DOCK8: variants seen among roughly 807,000 people sequenced by gnomAD.
DOCK8 encodes the protein dedicator of cytokinesis protein 8.
Under a neutral mutation model 245.6 loss-of-function variants are expected in DOCK8, and 141 were observed. The observed-to-expected ratio is 0.57, with a 90% CI of 0.50 to 0.66. DOCK8 has a LOEUF of 0.66. Ranked by LOEUF, DOCK8 falls within the 30% of genes least tolerant of loss-of-function variation. The pLI is 0.00. For synonymous variants in DOCK8, 1,168 were observed against 970.2 expected (o/e 1.20, Z -3.79); for missense variants, 2,965 against 2,603.4 (o/e 1.14, Z -3.02).
upstream of DOCK8, chr9:212,721 T>C (rs1050602239): frequency 6.6e-6 from 1 of 152,218 alleles, no homozygotes; most frequent in African/African-American, 2.4e-5. Context: ...AGGTACCAAA[T>C]ACTAAATCTA....
At chr9:370,047 C>G in intron 15 of DOCK8, 183 bp from the exon 16 acceptor site, 1 of 639,382 alleles carries the variant, frequency 1.6e-6, no homozygotes, top group Non-Finnish European at 2.9e-6. Context: ...AAGCCATTCT[C>G]CCACGCCGAC....
chr9:447,517 C>G (rs529166880), intron 44 of DOCK8, among the ~76,000 whole-genome samples: 1 of 152,076 alleles, frequency 6.6e-6, no homozygotes, highest in African/African-American at 2.4e-5. Context: ...TTTTTCTCCC[C>G]GAGACTTTGA....
At chr9:368,251 C>A in intron 15 of DOCK8, 116 bp downstream of exon 15, 2 of 893,734 alleles carry the variant, frequency 2.2e-6, no homozygotes, top group Non-Finnish European at 3.8e-6. Flanking sequence ...GCCAATACTG[C>A]TCAGCATGTG....
chr9:405,780 A>G (rs763937032), intron 27 of DOCK8, among the ~76,000 whole-genome samples: 1 of 152,256 alleles, frequency 6.6e-6, no homozygotes, highest in East Asian at 1.9e-4. Context: ...AATTGAAAAA[A>G]AAATCTTAGC....
intron 5 of DOCK8, among the ~76,000 whole-genome samples, chr9:305,136 C>A (rs1007115852): frequency 2.6e-5 from 4 of 152,090 alleles, no homozygotes; most frequent in African/African-American, 9.7e-5. Context: ...TCAGTTTCCT[C>A]CCCTGGGAAA....
chr9:403,858 A>ATCTCTC (rs749646963), intron 26 of DOCK8, among the ~76,000 whole-genome samples: 118 of 83,918 alleles, frequency 1.4e-3, no homozygotes, highest in Non-Finnish European at 1.6e-3. Context: ...AAGACTCTGT[A>ATCTCTC]TCTCTCTCTC....
chr9:216,861 C>A lies in DOCK8; in HGVS notation c.53+1832C>A, dbSNP rs150145504. Among the ~76,000 whole-genome samples the A allele has an allele frequency of 1.7e-4, 26 of 152,170 alleles. No individual in the cohort carries two copies. The East Asian group carries it at 5.0e-3, about 29-fold the overall frequency. On this transcript the variant is annotated intron_variant, in intron 1 of 47. Coordinates refer to ENST00000432829, the MANE Select transcript of DOCK8 (RefSeq NM_203447.4). Reference sequence around the variant, plus strand: ...GCAGTCTTGCAAGCAACTGCGGGGTCGGTGTCACCTGGGGGTTAAGAATAA... The same window carrying A: ...GCAGTCTTGCAAGCAACTGCGGGGTAGGTGTCACCTGGGGGTTAAGAATAA...
intron 23 of DOCK8, among the ~76,000 whole-genome samples, chr9:389,740 G>A (rs561612380): frequency 6.6e-6 from 1 of 152,282 alleles, no homozygotes; most frequent in South Asian, 2.1e-4. Flanking sequence ...CAGAGGCCGG[G>A]CGTAGTGGCT....
At chr9:384,441 C>G (rs765227809) in intron 22 of DOCK8, among the ~76,000 whole-genome samples, 5 of 152,298 alleles carry the variant, frequency 3.3e-5, no homozygotes, top group Non-Finnish European at 5.9e-5. Flanking sequence ...ATTCCAGCCA[C>G]TTGACACTGT....
chr9:363,559 G>A (rs928008031), intron 14 of DOCK8, among the ~76,000 whole-genome samples: 9 of 152,300 alleles, frequency 5.9e-5, no homozygotes, highest in Non-Finnish European at 1.3e-4. Flanking sequence ...ATATTACTTA[G>A]CACTCTTACT....
intron 2 of DOCK8, among the ~76,000 whole-genome samples, chr9:284,039 T>C (rs2048706977): frequency 6.6e-6 from 1 of 152,198 alleles, no homozygotes; most frequent in Non-Finnish European, 1.5e-5. Flanking sequence ...TAATTATTAC[T>C]TAAATGGGTA....
intron 41 of DOCK8, 124 bp downstream of exon 41, chr9:441,541 CCTGTCAA>C: frequency 6.9e-7 from 1 of 1,445,914 alleles, no homozygotes; most frequent in Non-Finnish European, 9.5e-7. Context: ...TTTGCTCTCA[CCTGTCAA>C]ACAGAAAAGG....
At chr9:363,821 T>C (rs1415394075) in intron 14 of DOCK8, among the ~76,000 whole-genome samples, 1 of 152,100 alleles carries the variant, frequency 6.6e-6, no homozygotes, top group African/African-American at 2.4e-5. Context: ...ACATGCAAAA[T>C]TGCTGAGCAG....
chr9:383,921 C>T (rs1432571750), intron 22 of DOCK8, among the ~76,000 whole-genome samples: 1 of 152,062 alleles, frequency 6.6e-6, no homozygotes, highest in Non-Finnish European at 1.5e-5. Flanking sequence ...ATTTTACATT[C>T]AAATGGTACT....
chr9:317,166 T>G, intron 7 of DOCK8, 38 bp downstream of exon 7: 1 of 1,451,982 alleles, frequency 6.9e-7, no homozygotes, highest in Non-Finnish European at 9.7e-7. Context: ...GCTTTGAGAT[T>G]TATCTTGCCT....
chr9:411,231 G>A (rs1317276535), intron 28 of DOCK8, among the ~76,000 whole-genome samples: 3 of 152,088 alleles, frequency 2.0e-5, no homozygotes, highest in African/African-American at 7.2e-5. Context: ...TGGCCAAGGT[G>A]ATGAAACCCC....
chr9:402,792 T>A (rs549204074), intron 26 of DOCK8, among the ~76,000 whole-genome samples: 133 of 152,368 alleles, frequency 8.7e-4, no homozygotes, highest in African/African-American at 3.1e-3. Flanking sequence ...CACCCATCCC[T>A]TGGGTAGGGG....
At chr9:449,691 C>T (rs1402920015) in intron 44 of DOCK8, 93 bp from the exon 45 acceptor site, 21 of 1,553,286 alleles carry the variant, frequency 1.4e-5, no homozygotes, top group Non-Finnish European at 1.8e-5. Flanking sequence ...GCTGCCTCTT[C>T]AAATTCAGGT....
At chr9:451,971 ATATATATTTTTTT>A (rs1307531368) in intron 45 of DOCK8, 27 bp from the exon 46 acceptor site, 18 of 401,234 alleles carry the variant, frequency 4.5e-5, no homozygotes, top group East Asian at 2.2e-4. Context: ...ATATATATAT[ATATATATTTTTTT>A]TTTTTTTTTT....
Sources: gnomAD v4.1 joint callset for allele counts (sites outside exome capture counted in the v4.1 genomes callset) on GRCh38, gnomAD v4.1.1 for gene constraint, MANE v1.5 for transcripts, NCBI Gene and HGNC (gene_info 2026-07-23, HGNC 2026-07-21) for gene names.